Variants in RASA2 observed in about 807,000 individuals in gnomAD.
The protein encoded by RASA2 is ras GTPase-activating protein 2.
In RASA2, 155 loss-of-function variants were observed where a neutral mutation model predicts 118.2. The ratio of observed to expected loss-of-function variants is 1.31; its 90% CI spans 1.15 to 1.50. RASA2 has a LOEUF of 1.50. Ranked by LOEUF, RASA2 falls within the 40% of genes most tolerant of loss-of-function variation. The pLI is 0.00. For synonymous variants in RASA2, 353 were observed against 349.1 expected, an observed-to-expected ratio of 1.01 and a Z score of -0.12; for missense variants, 1,016 against 1,009.6, an observed-to-expected ratio of 1.01 and a Z score of -0.09.
chr3:141,559,945 G>T lies in RASA2; in HGVS notation c.813G>T (p.Glu271Asp), dbSNP rs1160328152. The change falls in exon 9 of 24, where the codon GAG (glutamate) becomes GAT (aspartate). Residue 271 changes from glutamate (E) to aspartate (D), a missense_variant. By Grantham distance (45) the Glu-to-Asp change is conservative (BLOSUM62 2). This residue lies in a region of RASA2 where 896 missense variants were observed against 836.4 expected (regional missense o/e 1.07). Coordinates refer to ENST00000286364, the MANE Select transcript of RASA2 (RefSeq NM_006506.5). ...GNLVQDVFLG[E>D]IKVPVNVLRT... ...TAGTCCAAGATGTTTTCCTAGGTGA[G>T]ATTAAGGTTCCTGTGAACGTATTAA... 1.2e-6 allele frequency: 2 copies of T among 1,613,322 alleles called. No individual in the cohort carries two copies. Among genetic ancestry groups the T allele is most frequent in the Non-Finnish European group, 1.7e-6 (2 of 1,179,452 alleles).
Position 141,567,297 on chromosome 3 carries a change from TC to T in RASA2, c.864-3612del, listed in dbSNP as rs369516554. Among the ~76,000 whole-genome samples the T allele has an allele frequency of 1.0e-2, 1,519 of 152,112 alleles. 40 individuals carry two copies. Among genetic ancestry groups the T allele is most frequent in the African/African-American group, 0.035 (1,448 of 41,458 alleles). On this transcript the variant is annotated intron_variant, in intron 9 of 23. Coordinates refer to ENST00000286364, the MANE Select transcript of RASA2 (RefSeq NM_006506.5). ...CCGGTGTGGTGGCCCGCGCCTGTAG[TC>T]CCAGCTACTCGGGAGGCTGAGGCGG...
At chr3:141,574,282 C>T (rs1379602884) in intron 14 of RASA2, among the ~76,000 whole-genome samples, 15 of 152,086 alleles carry the variant, frequency 9.9e-5, no homozygotes, top group South Asian at 4.1e-4. Context: ...CTCCATCTCC[C>T]GGGTTCATGC....
chr3:141,537,036 T>G (rs2082337562), intron 4 of RASA2, among the ~76,000 whole-genome samples: 1 of 152,210 alleles, frequency 6.6e-6, no homozygotes, highest in South Asian at 2.1e-4. Context: ...CATGAGCCAC[T>G]GCGCCCAGCC....
At chr3:141,593,880 T>C (rs1365286016) in intron 19 of RASA2, among the ~76,000 whole-genome samples, 1 of 152,174 alleles carries the variant, frequency 6.6e-6, no homozygotes, top group Admixed American at 6.5e-5. Flanking sequence ...CAATGTTTTA[T>C]TCATGAAGGC....
At position 141,586,739 on chromosome 3, in the gene RASA2, C is replaced by T. The variant is rs751751705; in HGVS notation, c.1920C>T (p.Tyr640=). Residue 640 remains tyrosine (Y), a synonymous_variant, in exon 19 of 24, where the codon TAC becomes TAT. Transcript: ENST00000286364. ...WFCLTSRELT[Y]HKQPGKDAIY... The stretch of plus-strand genomic sequence containing the variant: ...GCTTAACAAGCAGAGAGCTCACCTA[C>T]CACAAACAGCCAGGTAGTTGTGTTT... 5.6e-6 allele frequency: 9 copies of T among 1,610,838 alleles called. No individual in the cohort carries two copies. The highest frequency in any genetic ancestry group is 7.6e-6 in the Non-Finnish European group (9 of 1,177,256).
intron 19 of RASA2, among the ~76,000 whole-genome samples, chr3:141,591,325 T>C (rs1308014898): frequency 6.6e-6 from 1 of 152,190 alleles, no homozygotes; most frequent in Non-Finnish European, 1.5e-5. Context: ...TGTTGTCCTT[T>C]AAGTCTTAGA....
intron 9 of RASA2, among the ~76,000 whole-genome samples, chr3:141,560,671 T>C (rs1193589196): frequency 6.6e-6 from 1 of 151,942 alleles, no homozygotes. Flanking sequence ...GAAACTATTG[T>C]TTTTTTTCTG....
intron 5 of RASA2, among the ~76,000 whole-genome samples, chr3:141,552,903 A>G (rs2151112956): frequency 6.6e-6 from 1 of 152,326 alleles, no homozygotes; most frequent in Admixed American, 6.5e-5. Context: ...AGGCATTAGA[A>G]AATGCAGACC....
intron 19 of RASA2, among the ~76,000 whole-genome samples, chr3:141,602,081 T>G (rs1391631824): frequency 6.6e-6 from 1 of 152,240 alleles, no homozygotes; most frequent in East Asian, 1.9e-4. Flanking sequence ...CTTTGAAGTC[T>G]TAGGCTGCTA....
At chr3:141,570,729 G>A (rs2082904573) in intron 9 of RASA2, among the ~76,000 whole-genome samples, 183 bp from the exon 10 acceptor site, 1 of 152,048 alleles carries the variant, frequency 6.6e-6, no homozygotes, top group South Asian at 2.1e-4. Flanking sequence ...TTATAGCTTT[G>A]TAATCCAATG....
chr3:141,534,156 A>G (rs2082295964), intron 4 of RASA2, among the ~76,000 whole-genome samples: 1 of 152,212 alleles, frequency 6.6e-6, no homozygotes, highest in African/African-American at 2.4e-5. Context: ...GCTATTAGTT[A>G]TTAGGTCCTG....
At chr3:141,492,388 A>G (rs556992547) in intron 1 of RASA2, among the ~76,000 whole-genome samples, 3 of 152,330 alleles carry the variant, frequency 2.0e-5, no homozygotes, top group African/African-American at 7.2e-5. Flanking sequence ...CATGTAAGTT[A>G]AGCTTTTTAT....
intron 3 of RASA2, among the ~76,000 whole-genome samples, chr3:141,524,109 ATTG>A (rs766525796): frequency 7.9e-5 from 12 of 152,002 alleles, no homozygotes; most frequent in Non-Finnish European, 1.8e-4. Context: ...TCATGATCCT[ATTG>A]TTTGTCAGTT....
intron 6 of RASA2, among the ~76,000 whole-genome samples, chr3:141,555,490 T>A (rs1413316380): frequency 6.6e-6 from 1 of 152,112 alleles, no homozygotes; most frequent in African/African-American, 2.4e-5. Flanking sequence ...TCCTTGGGTA[T>A]TTTTCAACAT....
chr3:141,526,276 A>G (rs1381940970), intron 3 of RASA2, among the ~76,000 whole-genome samples: 2 of 151,958 alleles, frequency 1.3e-5, no homozygotes, highest in Admixed American at 6.6e-5. Flanking sequence ...CGGGCTGCCT[A>G]CCTTTTACTG....
At position 141,601,816 on chromosome 3, in the gene RASA2, A is replaced by G. The variant is rs2083468879; in HGVS notation, c.1934-5862A>G. ...TCTAGGGATCCTCCAATTTATGCTG[A>G]TAAATTGTCTCATGGATCTCACTGA... On this transcript the variant is annotated intron_variant, in intron 19 of 23. Transcript: ENST00000286364. 2.0e-5 allele frequency among the ~76,000 whole-genome samples: 3 copies of G among 152,260 alleles called. No individual in the cohort carries two copies. In the South Asian group the frequency reaches 6.2e-4, roughly 32 times the overall value.
Position 141,613,218 on chromosome 3 carries a change from C to G in RASA2, c.*905C>G, listed in dbSNP as rs903875642. ...CCTCATAGTGTTCGGTTCTGATCTTCCTCGAGAACAGTCACTTGGCGCACT... is the reference window on the plus strand; with the variant it reads ...CCTCATAGTGTTCGGTTCTGATCTTGCTCGAGAACAGTCACTTGGCGCACT... On this transcript the variant is annotated 3_prime_UTR_variant, in exon 24 of 24. Coordinates refer to ENST00000286364, the MANE Select transcript of RASA2 (RefSeq NM_006506.5). 6.6e-6 allele frequency: 1 copy of G among 152,146 alleles called. No individual in the cohort carries two copies. Among genetic ancestry groups the G allele is most frequent in the African/African-American group, 2.4e-5 (1 of 41,420 alleles). 9.4% of individuals were successfully genotyped at this position (152,146 alleles called of 1,614,324 possible). A position where few individuals can be genotyped will look rare whatever the true frequency, so the allele number is the denominator to read the frequency against.
chr3:141,522,450 G>A (rs567456683), intron 3 of RASA2, among the ~76,000 whole-genome samples: 1 of 152,226 alleles, frequency 6.6e-6, no homozygotes, highest in Middle Eastern at 3.4e-3. Context: ...GAAAGTCTCC[G>A]GGAATGCCAT....
intron 19 of RASA2, among the ~76,000 whole-genome samples, chr3:141,601,665 T>A (rs1456816093): frequency 6.6e-6 from 1 of 152,210 alleles, no homozygotes; most frequent in South Asian, 2.1e-4. Context: ...TAAAATGTAT[T>A]ACTTGGTGGT....
Sources: allele counts gnomAD v4.1 joint callset (sites outside exome capture counted in the v4.1 genomes callset), GRCh38; gene constraint gnomAD v4.1.1; regional missense constraint gnomAD v4.1.1; transcripts MANE v1.5; gene names NCBI Gene and HGNC (gene_info 2026-07-23, HGNC 2026-07-21).